Variants in ADAM10 observed in about 807,000 individuals in gnomAD.
ADAM10 encodes disintegrin and metalloproteinase domain-containing protein 10.
A neutral mutation model predicts 90.1 loss-of-function variants in ADAM10; 17 were observed. That is an observed-to-expected ratio of 0.19 (90% CI 0.13 to 0.28). The LOEUF (loss-of-function observed/expected upper bound fraction) is 0.28. Ranked by LOEUF, ADAM10 falls within the 10% of genes least tolerant of loss-of-function variation. The pLI, the probability that ADAM10 is intolerant of heterozygous loss-of-function variation, is 1.00. For missense variants in ADAM10, 610 were observed against 914.3 expected, an observed-to-expected ratio of 0.67 and a Z score of 4.29; for synonymous variants, 310 against 298.6, an observed-to-expected ratio of 1.04 and a Z score of -0.40.
chr15:58,632,905 T>A (rs750501224), intron 9 of ADAM10, among the ~76,000 whole-genome samples: 1 of 152,248 alleles, frequency 6.6e-6, no homozygotes, highest in Non-Finnish European at 1.5e-5. Context: ...GAGTACATTA[T>A]GTACTAGGCA....
At chr15:58,713,417 C>T (rs1410812990) in intron 2 of ADAM10, among the ~76,000 whole-genome samples, 7 of 152,016 alleles carry the variant, frequency 4.6e-5, no homozygotes, top group African/African-American at 1.7e-4. Context: ...TTCACTCACT[C>T]AATATAACTA....
intron 1 of ADAM10, among the ~76,000 whole-genome samples, chr15:58,741,326 T>G: frequency 6.8e-6 from 1 of 146,048 alleles, no homozygotes; most frequent in East Asian, 2.4e-4. Flanking sequence ...CCAACTTAAG[T>G]AAGAAAAAAA....
chr15:58,654,123 C>G (rs1896754318), intron 5 of ADAM10, among the ~76,000 whole-genome samples: 1 of 150,896 alleles, frequency 6.6e-6, no homozygotes, highest in African/African-American at 2.4e-5. Context: ...AAAGGTTTGT[C>G]AATTTTGTTT....
intron 2 of ADAM10, among the ~76,000 whole-genome samples, chr15:58,708,064 G>A (rs564187637): frequency 6.6e-5 from 10 of 151,860 alleles, no homozygotes; most frequent in South Asian, 4.2e-4. Context: ...GCAACAGAGC[G>A]AGACTCGGTC....
chr15:58,713,874 G>A (rs773850083), intron 2 of ADAM10, among the ~76,000 whole-genome samples: 14 of 151,000 alleles, frequency 9.3e-5, no homozygotes, highest in Non-Finnish European at 1.3e-4. Context: ...CTGCAGTGGC[G>A]TGATCTCGGC....
chr15:58,734,303 G>A (rs1252688455), intron 1 of ADAM10, among the ~76,000 whole-genome samples: 1 of 152,118 alleles, frequency 6.6e-6, no homozygotes, highest in African/African-American at 2.4e-5. Flanking sequence ...CCAATCAAGT[G>A]AGAACTATTA....
At chr15:58,724,993 C>A (rs570167905) in intron 1 of ADAM10, among the ~76,000 whole-genome samples, 4 of 151,026 alleles carry the variant, frequency 2.6e-5, no homozygotes, top group African/African-American at 9.7e-5. Flanking sequence ...GAGTTCAAGA[C>A]GAGCCTGGGC....
chr15:58,738,338 G>A (rs567244484), intron 1 of ADAM10, among the ~76,000 whole-genome samples: 16 of 152,276 alleles, frequency 1.1e-4, no homozygotes, highest in African/African-American at 3.4e-4. Context: ...TCTCCTGTAT[G>A]ACAAAGGTAG....
rs1894773318 is a variant in ADAM10 at position 58,589,088 on chromosome 15, C to T, written c.*8459G>A. On this transcript the variant is annotated 3_prime_UTR_variant, in exon 16 of 16. Transcript: ENST00000260408. ...TGGTAATGTGTTGTAATGAAACTAA[C>T]TTTTGTGCCTATCTTGTGAAATCAG... 6.6e-6 allele frequency: 1 copy of T among 152,212 alleles called. No individual in the cohort carries two copies. 9.4% of individuals were successfully genotyped at this position (152,212 alleles called of 1,614,324 possible).
Position 58,665,150 on chromosome 15 carries a change from C to T in ADAM10, c.532G>A (p.Val178Ile). Residue 178 changes from valine to isoleucine, a missense_variant, in exon 5 of 16, where the codon GTA (valine) becomes ATA (isoleucine). Val to Ile is a conservative substitution (Grantham distance 29, BLOSUM62 3). Around this residue, in one of 4 missense-constraint regions of ADAM10, gnomAD observed 310 missense variants for 362.4 expected, o/e 0.86. Transcript: ENST00000260408. ...TGGTATTTCCTCATTCTTTCAAATACTGAATGATCTGCACAGCCCCCCTGA... is the reference window on the plus strand; with the variant it reads ...TGGTATTTCCTCATTCTTTCAAATATTGAATGATCTGCACAGCCCCCCTGA... Reference protein sequence around the residue: ...GPQGGCADHSVFERMRKYQMT... With the variant: ...GPQGGCADHSIFERMRKYQMT... 6 of 1,613,500 alleles carry T rather than the reference C, an allele frequency of 3.7e-6. No individual in the cohort carries two copies. Among genetic ancestry groups the T allele is most frequent in the Non-Finnish European group, 4.2e-6 (5 of 1,179,508 alleles).
chr15:58,693,130 T>C, intron 2 of ADAM10: 1 of 738,398 alleles, frequency 1.4e-6, no homozygotes, highest in East Asian at 2.6e-5. Context: ...AGACATGAGT[T>C]GGGCAATTTC....
chr15:58,742,455 C>T (rs1322530484), intron 1 of ADAM10, among the ~76,000 whole-genome samples: 1 of 152,120 alleles, frequency 6.6e-6, no homozygotes, highest in Non-Finnish European at 1.5e-5. Flanking sequence ...CATACATTTT[C>T]GACTTACGAT....
chr15:58,676,370 G>T, intron 4 of ADAM10: 1 of 452,150 alleles, frequency 2.2e-6, no homozygotes, highest in South Asian at 1.6e-5. Flanking sequence ...TGCAAGTAAA[G>T]ATTTTTATAC....
intron 2 of ADAM10, among the ~76,000 whole-genome samples, chr15:58,686,160 C>T (rs1290940844): frequency 6.6e-6 from 1 of 152,140 alleles, no homozygotes; most frequent in Non-Finnish European, 1.5e-5. Flanking sequence ...AGAGAGACTC[C>T]ACAAAGGTGG....
At chr15:58,642,413 C>T (rs1383476037) in intron 7 of ADAM10, among the ~76,000 whole-genome samples, 2 of 150,988 alleles carry the variant, frequency 1.3e-5, no homozygotes, top group Non-Finnish European at 2.9e-5. Flanking sequence ...TGCAGTGAGC[C>T]GAGATTGCGC....
At chr15:58,718,617 G>A (rs1324618640) in intron 1 of ADAM10, among the ~76,000 whole-genome samples, 1 of 152,162 alleles carries the variant, frequency 6.6e-6, no homozygotes, top group Non-Finnish European at 1.5e-5. Flanking sequence ...TCCATGAACT[G>A]AGTTTTTCCA....
intron 5 of ADAM10, among the ~76,000 whole-genome samples, chr15:58,663,090 T>C (rs1216808444): frequency 6.6e-6 from 1 of 152,252 alleles, no homozygotes; most frequent in Admixed American, 6.5e-5. Context: ...TAGTTGTTTG[T>C]TGTAGAAAGC....
intron 11 of ADAM10, among the ~76,000 whole-genome samples, chr15:58,618,057 T>C (rs1405046397): frequency 6.6e-6 from 1 of 152,064 alleles, no homozygotes; most frequent in African/African-American, 2.4e-5. Flanking sequence ...ATAAGTCATA[T>C]GAAACCACAG....
At chr15:58,696,113 C>T (rs1167240406) in intron 2 of ADAM10, among the ~76,000 whole-genome samples, 1 of 151,782 alleles carries the variant, frequency 6.6e-6, no homozygotes, top group African/African-American at 2.4e-5. Flanking sequence ...TGAGACTCCA[C>T]CTCAAAAATT....
Sources: gnomAD v4.1 joint callset for allele counts (sites outside exome capture counted in the v4.1 genomes callset) on GRCh38, gnomAD v4.1.1 for gene constraint, gnomAD v4.1.1 regional missense constraint, MANE v1.5 for transcripts, NCBI Gene and HGNC (gene_info 2026-07-23, HGNC 2026-07-21) for gene names.